The following ADAMTSL1 variants were observed in gnomAD, a reference collection of about 807,000 sequenced individuals.
The protein encoded by ADAMTSL1 is ADAMTS like 1.
ADAMTSL1 carries 126 observed loss-of-function variants against 201.8 expected under a neutral mutation model. The observed-to-expected ratio is 0.62, with a 90% CI of 0.54 to 0.72. The LOEUF is 0.72. Ranked by LOEUF, ADAMTSL1 falls within the 30% of genes least tolerant of loss-of-function variation. ADAMTSL1 has a pLI of 0.00. For missense variants in ADAMTSL1, 2,679 were observed against 2,277.8 expected, an observed-to-expected ratio of 1.18 and a Z score of -3.59; for synonymous variants, 1,121 against 903.4, an observed-to-expected ratio of 1.24 and a Z score of -4.32.
intron 1 of ADAMTSL1, among the ~76,000 whole-genome samples, chr9:17,930,880 T>C (rs1025441404): frequency 2.6e-5 from 4 of 152,206 alleles, no homozygotes; most frequent in Admixed American, 6.5e-5. Context: ...GTATTCATAA[T>C]ATGCGCTGAT....
intron 1 of ADAMTSL1, among the ~76,000 whole-genome samples, chr9:18,028,341 G>C (rs748903979): frequency 2.0e-5 from 3 of 152,030 alleles, no homozygotes; most frequent in Non-Finnish European, 4.4e-5. Context: ...TGTAAGGCTG[G>C]TGTAGTGGAA....
At chr9:18,502,862 C>T (rs1413715471) in intron 1 of ADAMTSL1, among the ~76,000 whole-genome samples, 3 of 152,076 alleles carry the variant, frequency 2.0e-5, no homozygotes, top group Admixed American at 2.0e-4. Context: ...GGTGCCTTAT[C>T]AGTGTACCTC....
At chr9:18,119,415 C>T (rs948393018) in intron 1 of ADAMTSL1, among the ~76,000 whole-genome samples, 1 of 152,056 alleles carries the variant, frequency 6.6e-6, no homozygotes, top group Non-Finnish European at 1.5e-5. Flanking sequence ...ATTCTCCTGC[C>T]TCAGCTTCCC....
chr9:18,580,755 T>C (rs1823043827), intron 4 of ADAMTSL1, among the ~76,000 whole-genome samples: 1 of 152,176 alleles, frequency 6.6e-6, no homozygotes, highest in South Asian at 2.1e-4. Flanking sequence ...TACTTAGGAA[T>C]TAACAGTATG....
intron 26 of ADAMTSL1, 166 bp from the exon 27 acceptor site, chr9:18,905,616 G>A (rs993365992): frequency 1.9e-5 from 11 of 586,916 alleles, no homozygotes; most frequent in African/African-American, 9.3e-5. Flanking sequence ...TAAAGAAAAC[G>A]TATCAGTGAG....
At chr9:18,520,233 T>A (rs1818611894) in intron 2 of ADAMTSL1, among the ~76,000 whole-genome samples, 1 of 152,220 alleles carries the variant, frequency 6.6e-6, no homozygotes, top group Non-Finnish European at 1.5e-5. Flanking sequence ...CTTTCCTTGG[T>A]TCCATATGGT....
intron 1 of ADAMTSL1, among the ~76,000 whole-genome samples, chr9:18,157,103 G>A (rs1827190544): frequency 6.6e-6 from 1 of 151,978 alleles, no homozygotes; most frequent in Non-Finnish European, 1.5e-5. Flanking sequence ...GTTGCTGAAT[G>A]TCTTCTCAGC....
At chr9:18,600,130 C>T (rs1266359396) in intron 4 of ADAMTSL1, among the ~76,000 whole-genome samples, 1 of 152,078 alleles carries the variant, frequency 6.6e-6, no homozygotes, top group African/African-American at 2.4e-5. Flanking sequence ...CTCTTTCACT[C>T]ACTGCACAGC....
In ADAMTSL1 at chr9:18,826,444, C is replaced by T. The variant is rs1824572190; in HGVS notation, c.4095C>T (p.Ser1365=). Residue 1365 remains serine (S), a synonymous_variant, in exon 22 of 29, where the codon AGC becomes AGT. Coordinates refer to ENST00000380548, the MANE Select transcript of ADAMTSL1 (RefSeq NM_001040272.6). ...AANLHGELTE[S]TQLLILDPPQ... ...ATCTTCATGGAGAGCTGACTGAGAG[C>T]ACCCAGCTGCTGATCCTAGGTAAAC... is the stretch of plus-strand genomic sequence containing the variant. 1 of 1,613,468 alleles carries T rather than the reference C, an allele frequency of 6.2e-7. No individual in the cohort carries two copies. The highest frequency in any genetic ancestry group is 8.5e-7 in the Non-Finnish European group (1 of 1,179,708).
chr9:17,973,166 T>A (rs1476420631), intron 1 of ADAMTSL1, among the ~76,000 whole-genome samples: 1 of 151,540 alleles, frequency 6.6e-6, no homozygotes, highest in Non-Finnish European at 1.5e-5. Flanking sequence ...CTCTTTAGTT[T>A]AATTAGATCC....
rs1158234585 is a variant in ADAMTSL1, at chr9:18,457,476, C to T, written c.208-47353C>T. 2.0e-5 allele frequency among the ~76,000 whole-genome samples: 3 copies of T among 152,134 alleles called. No individual in the cohort carries two copies. In the East Asian group the frequency reaches 5.8e-4, roughly 29 times the overall value. On this transcript the variant is annotated intron_variant, in intron 2 of 29. Coordinates refer to the ADAMTSL1 transcript ENST00000680146. ...CCTTCTGAGTGGCTGGCTAGGACTA[C>T]AATGCATGCGCCACCATGCCTTTTT... is the stretch of plus-strand genomic sequence containing the variant.
At chr9:18,694,512 CCAAA>C (rs1409651129) in intron 13 of ADAMTSL1, among the ~76,000 whole-genome samples, 2 of 152,094 alleles carry the variant, frequency 1.3e-5, no homozygotes, top group African/African-American at 4.8e-5. Flanking sequence ...AGAAATTAGC[CCAAA>C]CAAAGGGGTT....
intron 2 of ADAMTSL1, among the ~76,000 whole-genome samples, chr9:18,208,767 A>G (rs1157560893): frequency 1.3e-5 from 2 of 152,130 alleles, no homozygotes; most frequent in African/African-American, 4.8e-5. Context: ...TCATAATAAT[A>G]TTTGTTTGAC....
chr9:18,891,260 A>T (rs1253773692), intron 25 of ADAMTSL1, among the ~76,000 whole-genome samples: 1 of 151,936 alleles, frequency 6.6e-6, no homozygotes, highest in Non-Finnish European at 1.5e-5. Context: ...TTTGCATGTG[A>T]ACAAGTGTTG....
At chr9:18,252,535 G>GT (rs1310597702) in intron 2 of ADAMTSL1, among the ~76,000 whole-genome samples, 1 of 152,052 alleles carries the variant, frequency 6.6e-6, no homozygotes, top group African/African-American at 2.4e-5. Context: ...CTAATACAAT[G>GT]TAAAGGCTAT....
intron 2 of ADAMTSL1, among the ~76,000 whole-genome samples, chr9:18,164,460 G>A (rs904440203): frequency 1.5e-4 from 22 of 151,716 alleles, no homozygotes; most frequent in African/African-American, 5.1e-4. Context: ...GGTTTTAGGG[G>A]AAAACACTCT....
intron 1 of ADAMTSL1, among the ~76,000 whole-genome samples, chr9:17,943,643 A>G (rs1211485426): frequency 6.6e-6 from 1 of 152,132 alleles, no homozygotes; most frequent in African/African-American, 2.4e-5. Flanking sequence ...AAAGCTCTTC[A>G]GTTCCTTTCC....
At position 17,914,529 on chromosome 9, in the gene ADAMTSL1, A is replaced by G. The variant is rs1217551881; in HGVS notation, c.87+7607A>G. The stretch of plus-strand genomic sequence containing the variant: ...TGTTGATGGGACGTATCTCAAAATA[A>G]TAAGAGCTATCTATGACAAACCCAC... On this transcript the variant is annotated intron_variant, in intron 1 of 29. Transcript: ENST00000680146. Among the ~76,000 whole-genome samples the G allele has an allele frequency of 3.9e-5, 6 of 152,150 alleles. No individual in the cohort carries two copies. In the South Asian group the frequency reaches 6.2e-4, roughly 16 times the overall value.
At chr9:18,661,913 C>G (rs373835128) in intron 8 of ADAMTSL1, 22 bp from the exon 9 acceptor site, 18 of 1,606,140 alleles carry the variant, frequency 1.1e-5, no homozygotes, top group Non-Finnish European at 1.5e-5. Context: ...TTTAAACTTG[C>G]CTGGATGGTT....
Sources: allele counts gnomAD v4.1 joint callset (sites outside exome capture counted in the v4.1 genomes callset), GRCh38; gene constraint gnomAD v4.1.1; transcripts MANE v1.5; gene names NCBI Gene and HGNC (gene_info 2026-07-23, HGNC 2026-07-21).